The following UST variants were observed in gnomAD, a reference collection of about 807,000 sequenced individuals.
The protein encoded by UST is uronyl 2-sulfotransferase.
UST carries 21 observed loss-of-function variants against 45.6 expected under a neutral mutation model. The observed-to-expected ratio is 0.46, with a 90% CI of 0.33 to 0.66. UST has a LOEUF of 0.66. UST is among the 30% of genes least tolerant of loss of function. UST has a pLI of 0.02. For synonymous variants in UST, 215 were observed against 200.6 expected (o/e 1.07, Z -0.61); for missense variants, 463 against 512.4 (o/e 0.90, Z 0.93).
chr6:149,065,395 T>C, intron 7 of UST, among the ~76,000 whole-genome samples: 1 of 152,214 alleles, frequency 6.6e-6, no homozygotes, highest in East Asian at 1.9e-4. Context: ...ATAGCACCGA[T>C]TATCGTACAG....
chr6:148,965,946 G>A (rs892244502), intron 5 of UST, among the ~76,000 whole-genome samples: 22 of 149,100 alleles, frequency 1.5e-4, no homozygotes, highest in Non-Finnish European at 2.7e-4. Context: ...TTATGAGGCC[G>A]GGCGCAGTGG....
chr6:148,762,151 A>G (rs1197413233), intron 1 of UST, among the ~76,000 whole-genome samples: 1 of 152,214 alleles, frequency 6.6e-6, no homozygotes, highest in Non-Finnish European at 1.5e-5. Context: ...GCTGCGAGAT[A>G]AAGAGTTTTC....
At chr6:148,856,678 A>G (rs1417878699) in intron 1 of UST, among the ~76,000 whole-genome samples, 1 of 152,192 alleles carries the variant, frequency 6.6e-6, no homozygotes, top group Non-Finnish European at 1.5e-5. Context: ...TCACGTGTTT[A>G]TGCGTGAGTT....
chr6:148,843,743 A>G (rs1411639766), intron 1 of UST, among the ~76,000 whole-genome samples: 1 of 152,238 alleles, frequency 6.6e-6, no homozygotes, highest in Admixed American at 6.5e-5. Context: ...TGGGCCTAGC[A>G]AGTTCAAATA....
chr6:149,019,105 A>G (rs755500035), intron 5 of UST, 34 bp from the exon 6 acceptor site: 54 of 1,492,254 alleles, frequency 3.6e-5, no homozygotes, highest in African/African-American at 6.9e-5. Flanking sequence ...TGCAGAGACT[A>G]CAAGACATCT....
intron 7 of UST, among the ~76,000 whole-genome samples, chr6:149,034,338 T>C (rs1776197118): frequency 6.6e-6 from 1 of 152,232 alleles, no homozygotes; most frequent in Admixed American, 6.5e-5. Flanking sequence ...TTACTTTTGG[T>C]ATTATTTAAA....
chr6:149,045,758 C>T (rs1415526744), intron 7 of UST, among the ~76,000 whole-genome samples: 1 of 152,238 alleles, frequency 6.6e-6, no homozygotes, highest in East Asian at 1.9e-4. Context: ...CAAGGCAACC[C>T]CCTTCTAGTT....
chr6:149,013,548 A>AT (rs1775850674), intron 5 of UST, among the ~76,000 whole-genome samples: 1 of 152,126 alleles, frequency 6.6e-6, no homozygotes, highest in Non-Finnish European at 1.5e-5. Context: ...AGAAAAAAAA[A>AT]GTTGGTACCA....
intron 7 of UST, among the ~76,000 whole-genome samples, chr6:149,042,198 A>C (rs2115031569): frequency 6.6e-6 from 1 of 152,266 alleles, no homozygotes; most frequent in Middle Eastern, 3.4e-3. Flanking sequence ...TTTTATGGGG[A>C]GGCTCCTTAG....
Position 148,775,936 on chromosome 6 carries a change from A to G in UST, c.247+28259A>G, listed in dbSNP as rs116675463. ...TGTGAGCCACTGCGCCCGGCCTGGT[A>G]AAATATGAATTTTATACCTTGTTCT... is the stretch of plus-strand genomic sequence containing the variant. On this transcript the variant is annotated intron_variant, in intron 1 of 7. Transcript: ENST00000367463. 6.4e-3 allele frequency among the ~76,000 whole-genome samples: 981 copies of G among 152,234 alleles called. 12 individuals carry two copies. The highest frequency in any genetic ancestry group is 0.023 in the African/African-American group (937 of 41,548).
intron 5 of UST, among the ~76,000 whole-genome samples, chr6:148,973,383 G>A (rs996886892): frequency 6.6e-6 from 1 of 152,174 alleles, no homozygotes; most frequent in African/African-American, 2.4e-5. Flanking sequence ...AGGTTGACGA[G>A]GCACTTGGAG....
intron 7 of UST, among the ~76,000 whole-genome samples, chr6:149,032,219 C>A (rs1776155886): frequency 1.3e-5 from 2 of 152,156 alleles, no homozygotes; most frequent in Non-Finnish European, 2.9e-5. Flanking sequence ...TCACCCTCCC[C>A]CCGTTTCCCT....
chr6:148,899,030 C>G (rs190879947), intron 2 of UST, among the ~76,000 whole-genome samples: 59 of 151,048 alleles, frequency 3.9e-4, no homozygotes, highest in African/African-American at 1.3e-3. Flanking sequence ...CCTCAGGGCT[C>G]TGCAAGTTGT....
chr6:148,994,314 C>T (rs1006023190), intron 5 of UST, among the ~76,000 whole-genome samples: 2 of 151,762 alleles, frequency 1.3e-5, no homozygotes, highest in African/African-American at 4.8e-5. Context: ...GTAAACAACC[C>T]CATAGTAAAA....
chr6:148,803,320 C>T (rs571911593), intron 1 of UST, among the ~76,000 whole-genome samples: 9 of 152,162 alleles, frequency 5.9e-5, no homozygotes, highest in Admixed American at 2.0e-4. Context: ...TCTTGATTCT[C>T]GGTTCTTACC....
rs531104036 is a variant in UST at position 148,992,996 on chromosome 6, G to A, written c.682-26143G>A. 30 of 985,352 alleles carry A rather than the reference G, an allele frequency of 3.0e-5. No individual in the cohort carries two copies. In the Admixed American group the frequency reaches 6.1e-4, roughly 20 times the overall value. 61.0% of individuals were successfully genotyped at this position (985,352 alleles called of 1,614,324 possible). Reference sequence around the variant, plus strand: ...TTTCTATCCACAGACCCCTTTGGGCGGCTCAGCATTCAAGGCTAATAACCA... The same window carrying A: ...TTTCTATCCACAGACCCCTTTGGGCAGCTCAGCATTCAAGGCTAATAACCA... On this transcript the variant is annotated intron_variant, in intron 5 of 7. Coordinates refer to ENST00000367463, the MANE Select transcript of UST (RefSeq NM_005715.3).
intron 1 of UST, among the ~76,000 whole-genome samples, chr6:148,795,776 C>T (rs1355958472): frequency 6.6e-6 from 1 of 152,080 alleles, no homozygotes; most frequent in African/African-American, 2.4e-5. Context: ...GATTTGTATA[C>T]CTGTTATGTC....
At chr6:149,036,904 G>T (rs1163717945) in intron 7 of UST, among the ~76,000 whole-genome samples, 6 of 152,152 alleles carry the variant, frequency 3.9e-5, no homozygotes, top group Non-Finnish European at 8.8e-5. Flanking sequence ...GTTTCTTGTG[G>T]GAGGAAATGT....
At chr6:149,001,285 G>A (rs1781545667) in intron 5 of UST, among the ~76,000 whole-genome samples, 2 of 152,056 alleles carry the variant, frequency 1.3e-5, no homozygotes, top group African/African-American at 4.8e-5. Flanking sequence ...TGTTAGCCAG[G>A]ATGGTCCTGA....
Sources: gnomAD v4.1 joint callset for allele counts (sites outside exome capture counted in the v4.1 genomes callset) on GRCh38, gnomAD v4.1.1 for gene constraint, MANE v1.5 for transcripts, NCBI Gene and HGNC (gene_info 2026-07-23, HGNC 2026-07-21) for gene names.